Variants in PCNX1 observed in about 807,000 individuals in gnomAD.
PCNX1 encodes the protein pecanex 1, also known as pecanex-like protein 1.
PCNX1 carries 78 observed loss-of-function variants against 242.2 expected under a neutral mutation model. The observed-to-expected ratio is 0.32, with a 90% CI of 0.27 to 0.39. The LOEUF is 0.39. PCNX1 is among the 10% of genes least tolerant of loss of function. PCNX1 has a pLI of 1.00. For missense variants in PCNX1, 2,581 were observed against 2,856.5 expected, an observed-to-expected ratio of 0.90 and a Z score of 2.20; for synonymous variants, 1,024 against 1,032.9, an observed-to-expected ratio of 0.99 and a Z score of 0.17.
At chr14:71,011,639 A>G (rs2059824004) in intron 10 of PCNX1, 90 bp downstream of exon 10, 2 of 815,392 alleles carry the variant, frequency 2.5e-6, no homozygotes, top group Middle Eastern at 3.6e-4. Flanking sequence ...AGCCATAAAA[A>G]TTGATGAAGT....
intron 8 of PCNX1, among the ~76,000 whole-genome samples, chr14:70,996,367 C>T (rs1417367866): frequency 1.3e-5 from 2 of 152,254 alleles, no homozygotes; most frequent in East Asian, 3.9e-4. Flanking sequence ...ATATTTCACA[C>T]TATGTTCGTC....
intron 1 of PCNX1, among the ~76,000 whole-genome samples, chr14:70,909,939 T>G (rs1460054788): frequency 6.6e-6 from 1 of 151,906 alleles, no homozygotes; most frequent in Non-Finnish European, 1.5e-5. Context: ...TACATGCGGT[T>G]AGCATGACTG....
At chr14:70,911,178 C>G (rs984655171) in intron 1 of PCNX1, among the ~76,000 whole-genome samples, 3 of 152,114 alleles carry the variant, frequency 2.0e-5, no homozygotes, top group African/African-American at 7.2e-5. Flanking sequence ...TCTTTAACCC[C>G]GTGACCTCAT....
At chr14:70,994,425 A>ATATATATG (rs1463923456) in intron 7 of PCNX1, among the ~76,000 whole-genome samples, 1 of 112,716 alleles carries the variant, frequency 8.9e-6, no homozygotes, top group Non-Finnish European at 1.9e-5. Context: ...ATATATATAT[A>ATATATATG]TATATGTATG....
At chr14:70,918,587 ATGG>A (rs2056243018) in intron 1 of PCNX1, among the ~76,000 whole-genome samples, 1 of 152,230 alleles carries the variant, frequency 6.6e-6, no homozygotes, top group South Asian at 2.1e-4. Flanking sequence ...TGTTGGAAAA[ATGG>A]TGCTGATAGA....
intron 18 of PCNX1, 35 bp from the exon 19 acceptor site, chr14:71,036,030 T>G (rs895636483): frequency 5.2e-6 from 7 of 1,354,956 alleles, no homozygotes; most frequent in Non-Finnish European, 6.2e-6. Flanking sequence ...AAAAATTTTA[T>G]GTAATTGTTT....
At chr14:71,035,491 C>T (rs1039115021) in intron 18 of PCNX1, among the ~76,000 whole-genome samples, 1 of 152,168 alleles carries the variant, frequency 6.6e-6, no homozygotes, top group Non-Finnish European at 1.5e-5. Flanking sequence ...GGTGTGGTGG[C>T]TCACACCTGT....
At chr14:70,974,244 G>GT (rs1202073692) in intron 5 of PCNX1, among the ~76,000 whole-genome samples, 3,625 of 117,192 alleles carry the variant, frequency 0.031, 80 homozygotes, top group East Asian at 0.053. Flanking sequence ...TTTTTTTGTT[G>GT]TTTTTTTTTT....
intron 1 of PCNX1, among the ~76,000 whole-genome samples, chr14:70,929,090 A>C (rs544258696): frequency 4.6e-4 from 70 of 152,306 alleles, no homozygotes; most frequent in African/African-American, 1.7e-3. Context: ...GAAAAATTTC[A>C]AAGTGTGCTA....
At position 71,109,834 on chromosome 14, in the gene PCNX1, ACCAGATCCCACATCGACAAGG is replaced by A; in HGVS notation, c.6927_6947del (p.Arg2310_Ala2316del). The A allele has an allele frequency of 6.2e-7, 1 of 1,613,374 alleles. No homozygotes were observed. Among genetic ancestry groups the A allele is most frequent in the Non-Finnish European group, 8.5e-7 (1 of 1,179,332 alleles). On this transcript the variant is annotated inframe_deletion, in exon 36 of 36. Transcript: ENST00000304743. The stretch of plus-strand genomic sequence containing the variant: ...GGTGCCTTGCAGCAGAGATCCAGGT[ACCAGATCCCACATCGACAAGG>A]CAGTGCTTCTGGTCCAGATTGATGA...
At chr14:70,984,792 G>C (rs2058950009) in intron 6 of PCNX1, among the ~76,000 whole-genome samples, 1 of 152,132 alleles carries the variant, frequency 6.6e-6, no homozygotes, top group Admixed American at 6.5e-5. Context: ...ATTAAATTTT[G>C]CTCTTTGGGC....
intron 2 of PCNX1, among the ~76,000 whole-genome samples, chr14:70,953,893 C>A (rs2057890722): frequency 6.6e-6 from 1 of 152,096 alleles, no homozygotes; most frequent in Non-Finnish European, 1.5e-5. Context: ...GTCTCAAACT[C>A]CTGACCTCAG....
chr14:71,029,913 T>C (rs927183666), intron 16 of PCNX1, among the ~76,000 whole-genome samples: 5 of 152,236 alleles, frequency 3.3e-5, no homozygotes, highest in Non-Finnish European at 7.3e-5. Flanking sequence ...GTTTACCTGC[T>C]GTGTTAGAGA....
At chr14:70,946,807 T>C (rs753205670) in intron 1 of PCNX1, 108 bp from the exon 2 acceptor site, 5 of 811,478 alleles carry the variant, frequency 6.2e-6, no homozygotes, top group Non-Finnish European at 9.6e-6. Context: ...AGTAACATAG[T>C]TGTTGCTTTG....
At chr14:71,048,336 G>A (rs931851162) in intron 22 of PCNX1, among the ~76,000 whole-genome samples, 1 of 152,138 alleles carries the variant, frequency 6.6e-6, no homozygotes, top group African/African-American at 2.4e-5. Context: ...GCCCAATGAA[G>A]CAGGTAGAGG....
rs544489301 is a variant in PCNX1 at position 71,059,028 on chromosome 14, T to C, written c.4852+1304T>C. On this transcript the variant is annotated intron_variant, in intron 26 of 35. Transcript: ENST00000304743. ...TGACTTTTAGCTTCCTTTTTAAGTT[T>C]TGGCACCTGAAGACTTCATCCTTGT... 9.8e-5 allele frequency among the ~76,000 whole-genome samples: 15 copies of C among 152,312 alleles called. 1 individual carries two copies. In the South Asian group the frequency reaches 3.1e-3, roughly 32 times the overall value.
intron 15 of PCNX1, 146 bp downstream of exon 15, chr14:71,027,028 G>C (rs984755958): frequency 2.1e-6 from 1 of 470,994 alleles, no homozygotes; most frequent in African/African-American, 2.0e-5. Flanking sequence ...TGAAGACTGA[G>C]AAGCAATTAA....
chr14:70,907,779 A>G lies in PCNX1; in HGVS notation c.-72A>G. On this transcript the variant is annotated 5_prime_UTR_variant, in exon 1 of 36. Transcript: ENST00000304743. ...GACGGGGCAGCTGCAGGCTCCGGCG[A>G]CCGAGGCCGAGCTGGGGCCGGGGCG... is the stretch of plus-strand genomic sequence containing the variant. The G allele has an allele frequency of 8.4e-7, 1 of 1,194,912 alleles. No individual in the cohort carries two copies. Among genetic ancestry groups the G allele is most frequent in the Non-Finnish European group, 1.0e-6 (1 of 966,354 alleles). 74.0% of individuals were successfully genotyped at this position (1,194,912 alleles called of 1,614,324 possible).
At chr14:70,994,396 G>GATATAGATATATATATATATATATAT (rs1555357280) in intron 7 of PCNX1, among the ~76,000 whole-genome samples, 5 of 96,970 alleles carry the variant, frequency 5.2e-5, no homozygotes, top group Admixed American at 1.0e-4. Flanking sequence ...ACAGGCTTAA[G>GATATAGATATATATATATATATATAT]ATATATATAT....
Sources: allele counts gnomAD v4.1 joint callset (sites outside exome capture counted in the v4.1 genomes callset), GRCh38; gene constraint gnomAD v4.1.1; transcripts MANE v1.5; gene names NCBI Gene and HGNC (gene_info 2026-07-23, HGNC 2026-07-21).